MAP4K2: variants seen among roughly 807,000 people sequenced by gnomAD.
The protein encoded by MAP4K2 is mitogen-activated protein kinase kinase kinase kinase 2, also known as B lymphocyte serine/threonine protein kinase.
Under a neutral mutation model 125.3 loss-of-function variants are expected in MAP4K2, and 85 were observed. That is an observed-to-expected ratio of 0.68 (90% CI 0.57 to 0.81). The LOEUF is 0.81. MAP4K2 is among the 40% of genes least tolerant of loss of function. MAP4K2 has a pLI of 0.00. For synonymous variants in MAP4K2, 479 were observed against 445.1 expected, an observed-to-expected ratio of 1.08 and a Z score of -0.96; for missense variants, 923 against 1,056.4, an observed-to-expected ratio of 0.87 and a Z score of 1.75.
intron 9 of MAP4K2, 27 bp downstream of exon 9, chr11:64,800,873 C>G: frequency 6.2e-7 from 1 of 1,613,940 alleles, no homozygotes; most frequent in Non-Finnish European, 8.5e-7. Context: ...GATCAAGGGT[C>G]AGGTGAGGGG....
At chr11:64,802,522 C>T in intron 3 of MAP4K2, 39 bp from the exon 4 acceptor site, 1 of 1,573,986 alleles carries the variant, frequency 6.4e-7, no homozygotes, top group African/African-American at 1.3e-5. Flanking sequence ...AAGCAGGTCA[C>T]ATGGGGGCTG....
At position 64,803,060 on chromosome 11, in the gene MAP4K2, G is replaced by GA. The variant is rs1208995093; in HGVS notation, c.89dup (p.Tyr31LeufsTer37). 1 of 1,604,542 alleles carries GA rather than the reference G, an allele frequency of 6.2e-7. No homozygotes were observed. The highest frequency in any genetic ancestry group is 8.5e-7 in the Non-Finnish European group (1 of 1,178,260). On this transcript the variant is annotated frameshift_variant, in exon 1 of 32. Coordinates refer to ENST00000294066, the MANE Select transcript of MAP4K2 (RefSeq NM_004579.5). LOFTEE classifies it high-confidence loss of function. ...CCCGCCCGTCCCGTCGCACCTTGTA[G>GA]ACGTCGCCATAGGTCCCGGCCCCCA...
At position 64,789,551 on chromosome 11, in the gene MAP4K2, G is replaced by C; in HGVS notation, c.2449C>G (p.Gln817Glu). The C allele has an allele frequency of 6.3e-7, 1 of 1,588,424 alleles. No homozygotes were observed. The highest frequency in any genetic ancestry group is 1.1e-5 in the South Asian group (1 of 87,298). The stretch of plus-strand genomic sequence containing the variant: ...GCCCGCTGCTCTTAGTAGGTGCTCT[G>C]GTGGCCCGTGAGGATGTAGAGGTTG... ...HSNLYILTGH[Q>E]STY Residue 817 changes from glutamine to glutamate, a missense_variant, in exon 32 of 32, where the codon CAG (glutamine) becomes GAG (glutamate). Coordinates refer to ENST00000294066, the MANE Select transcript of MAP4K2 (RefSeq NM_004579.5).
At chr11:64,802,192 G>A (rs1178203239) in intron 4 of MAP4K2, 71 bp from the exon 5 acceptor site, 4 of 1,424,528 alleles carry the variant, frequency 2.8e-6, no homozygotes, top group Non-Finnish European at 2.9e-6. Context: ...TACCGTGTGT[G>A]GGAAAAGCAG....
Position 64,792,159 on chromosome 11 carries a change from C to CA in MAP4K2, c.1914+12dup, listed in dbSNP as rs749722808. On this transcript the variant is annotated intron_variant, in intron 26 of 31. Coordinates refer to ENST00000294066, the MANE Select transcript of MAP4K2 (RefSeq NM_004579.5). ...TCTGAGGGTGCCCTGGGCCTCCCCC[C>CA]ACCGCCCCTCACCTTCAGCAGCAGA... 436 of 1,599,768 alleles carry CA rather than the reference C, an allele frequency of 2.7e-4. 1 individual carries two copies. Among genetic ancestry groups the CA allele is most frequent in the Middle Eastern group, 1.3e-3 (8 of 6,026 alleles).
chr11:64,787,621 C>T lies in MAP4K2; in HGVS notation c.*1916G>A, dbSNP rs777053386. ...TCTCAGTGCATATTCCCTGGTTTCT[C>T]GGCCTTTCTTTGCTCTTGGCCTGCC... On this transcript the variant is annotated 3_prime_UTR_variant, in exon 32 of 32. Transcript: ENST00000294066. The T allele has an allele frequency of 6.6e-6, 1 of 152,204 alleles. No homozygotes were observed. Among genetic ancestry groups the T allele is most frequent in the African/African-American group, 2.4e-5 (1 of 41,440 alleles). The allele number at this position is 152,204 out of a possible 1,614,324, so 9.4% of individuals were successfully genotyped here. A position where few individuals can be genotyped will look rare whatever the true frequency, so the allele number is the denominator to read the frequency against.
chr11:64,796,278 G>A lies in MAP4K2; in HGVS notation c.1746C>T (p.Ile582=), dbSNP rs765375614. ...IPTNRLTQRI[I]PRRFALSTKI... is the part of the protein sequence containing the mutation. ...GCACGCCCAAGATCCCTGACCTGGG[G>A]ATGATGCGCTGGGTGAGGCGGTTGG... is the stretch of plus-strand genomic sequence containing the variant. Residue 582 remains isoleucine (I), a synonymous_variant, in exon 24 of 32, where the codon ATC becomes ATT. Coordinates refer to ENST00000294066, the MANE Select transcript of MAP4K2 (RefSeq NM_004579.5). 2 of 1,528,872 alleles carry A rather than the reference G, an allele frequency of 1.3e-6. No individual in the cohort carries two copies. The highest frequency in any genetic ancestry group is 1.8e-6 in the Non-Finnish European group (2 of 1,139,074). 94.7% of individuals were successfully genotyped at this position (1,528,872 alleles called of 1,614,324 possible).
In MAP4K2 at chr11:64,789,381, C is replaced by T; in HGVS notation, c.*156G>A. 1.5e-6 allele frequency: 1 copy of T among 669,634 alleles called. No homozygotes were observed. The highest frequency in any genetic ancestry group is 1.9e-5 in the South Asian group (1 of 52,894). 41.5% of individuals were successfully genotyped at this position (669,634 alleles called of 1,614,324 possible). A position where few individuals can be genotyped will look rare whatever the true frequency, so the allele number is the denominator to read the frequency against. ...AGGCGTCGGGGGCTCCCCTCCCTCCCCAGGCCTGAAACATTTCTCAGGATT... is the reference window on the plus strand; with the variant it reads ...AGGCGTCGGGGGCTCCCCTCCCTCCTCAGGCCTGAAACATTTCTCAGGATT... On this transcript the variant is annotated 3_prime_UTR_variant, in exon 32 of 32. Coordinates refer to ENST00000294066, the MANE Select transcript of MAP4K2 (RefSeq NM_004579.5).
Position 64,796,553 on chromosome 11 carries a change from G to C in MAP4K2, c.1573C>G (p.Leu525Val). 6.2e-7 allele frequency: 1 copy of C among 1,613,970 alleles called. No individual in the cohort carries two copies. Among genetic ancestry groups the C allele is most frequent in the Non-Finnish European group, 8.5e-7 (1 of 1,180,044 alleles). The change falls in exon 23 of 32, where the codon CTG becomes GTG. Residue 525 changes from leucine to valine, a missense_variant and splice_region_variant. Around this residue, in one of 2 missense-constraint regions of MAP4K2, gnomAD observed 833 missense variants for 911.4 expected, o/e 0.91. Coordinates refer to ENST00000294066, the MANE Select transcript of MAP4K2 (RefSeq NM_004579.5). ...HELHEDTLEK[L>V]ISHRCSWLYC... Reference sequence around the variant, plus strand: ...AGCCAGGAGCAGCGATGTGAAATCAGCTGGAGGCCACAGAGGGACAGATGG... The same window carrying C: ...AGCCAGGAGCAGCGATGTGAAATCACCTGGAGGCCACAGAGGGACAGATGG...
At chr11:64,790,014 A>G in intron 29 of MAP4K2, 55 bp from the exon 30 acceptor site, 1 of 1,598,954 alleles carries the variant, frequency 6.3e-7, no homozygotes, top group East Asian at 2.2e-5. Flanking sequence ...CCCCTCAGCC[A>G]CGCCTGAGCC....
Position 64,801,538 on chromosome 11 carries a change from C to A in MAP4K2, c.457+41G>T, listed in dbSNP as rs560597695. The stretch of plus-strand genomic sequence containing the variant: ...TGAGTCCAGGGTAGCCGGGGAGGGT[C>A]CACAGAGCCCTCACCCTGATGGTGT... On this transcript the variant is annotated intron_variant, in intron 7 of 31. Coordinates refer to ENST00000294066, the MANE Select transcript of MAP4K2 (RefSeq NM_004579.5). The A allele has an allele frequency of 2.5e-6, 4 of 1,610,514 alleles. No homozygotes were observed. In the African/African-American group the frequency reaches 4.0e-5, roughly 16 times the overall value.
chr11:64,801,386 C>T (rs926794294), intron 7 of MAP4K2, among the ~76,000 whole-genome samples, 193 bp downstream of exon 7: 1 of 152,174 alleles, frequency 6.6e-6, no homozygotes, highest in African/African-American at 2.4e-5. Flanking sequence ...AGTGCCTGGT[C>T]CCATGTCAAC....
intron 24 of MAP4K2, among the ~76,000 whole-genome samples, chr11:64,794,932 G>A (rs564964897): frequency 6.6e-6 from 1 of 152,010 alleles, no homozygotes; most frequent in East Asian, 1.9e-4. Flanking sequence ...TGTTGCCCAG[G>A]CTTCAATGCA....
chr11:64,796,753 C>T (rs777199923), intron 21 of MAP4K2, 40 bp from the exon 22 acceptor site: 3 of 1,613,610 alleles, frequency 1.9e-6, no homozygotes, highest in Non-Finnish European at 1.7e-6. Flanking sequence ...AGACATGGCC[C>T]CTGGCCCAAG....
In MAP4K2 at chr11:64,791,932, G is replaced by A. The variant is rs372121127; in HGVS notation, c.2069C>T (p.Thr690Met). 2.4e-5 allele frequency: 38 copies of A among 1,598,202 alleles called. No homozygotes were observed. The highest frequency in any genetic ancestry group is 1.7e-4 in the Admixed American group (10 of 58,430). ...ACCAGGTGGGATGAGGATGTCGGGC[G>A]TCAGGCCAGCCTCCAGGGGCAGGAC... is the stretch of plus-strand genomic sequence containing the variant. ...FHVLPLEAGL[T>M]PDILIPPEGI... Residue 690 changes from threonine to methionine, a missense_variant, in exon 27 of 32, where the codon ACG becomes ATG. Physicochemically the swap from Thr to Met is moderately conservative, Grantham distance 81. This residue lies in a region of MAP4K2 where 833 missense variants were observed against 911.4 expected (regional missense o/e 0.91). Transcript: ENST00000294066.
Position 64,785,925 on chromosome 11 carries a change from A to G in MAP4K2, c.*3612T>C, listed in dbSNP as rs1036103396. On this transcript the variant is annotated 3_prime_UTR_variant, in exon 32 of 32. Coordinates refer to ENST00000294066, the MANE Select transcript of MAP4K2 (RefSeq NM_004579.5). ...TGACATAATATTTGATACATACAAA[A>G]GGATGTGTGGCACCTTATGTGAGTT... The G allele has an allele frequency of 6.6e-6, 1 of 152,200 alleles. No individual in the cohort carries two copies. The highest frequency in any genetic ancestry group is 6.5e-5 in the Admixed American group (1 of 15,280). The allele number at this position is 152,200 out of a possible 1,614,324, so 9.4% of individuals were successfully genotyped here.
intron 27 of MAP4K2, among the ~76,000 whole-genome samples, chr11:64,791,637 C>T (rs1037648470): frequency 8.5e-5 from 13 of 152,234 alleles, no homozygotes; most frequent in Non-Finnish European, 1.5e-4. Context: ...TCCCAAAATG[C>T]TGGGATTACA....
In MAP4K2 at chr11:64,792,045, C is replaced by T. The variant is rs1307247183; in HGVS notation, c.1956G>A (p.Glu652=). 2 of 1,595,396 alleles carry T rather than the reference C, an allele frequency of 1.3e-6. No individual in the cohort carries two copies. The highest frequency in any genetic ancestry group is 1.7e-5 in the Admixed American group (1 of 57,750). Reference sequence around the variant, plus strand: ...GCTCCTTCCCATCCAGCACCAGCGGCTCCAGCATCCCAGCTGGGCTGGGCA... The same window carrying T: ...GCTCCTTCCCATCCAGCACCAGCGGTTCCAGCATCCCAGCTGGGCTGGGCA... ...SPLPSPAGML[E]PLVLDGKELP... The change falls in exon 27 of 32, where the codon GAG becomes GAA. Residue 652 remains glutamate (E), a synonymous_variant. Transcript: ENST00000294066.
chr11:64,787,976 CCTT>C lies in MAP4K2; in HGVS notation c.*1558_*1560del, dbSNP rs1284785577. The C allele has an allele frequency of 2.0e-5, 3 of 152,216 alleles. No individual in the cohort carries two copies. Among genetic ancestry groups the C allele is most frequent in the African/African-American group, 7.2e-5 (3 of 41,426 alleles). The allele number at this position is 152,216 out of a possible 1,614,324, so 9.4% of individuals were successfully genotyped here. A position where few individuals can be genotyped will look rare whatever the true frequency, so the allele number is the denominator to read the frequency against. On this transcript the variant is annotated 3_prime_UTR_variant, in exon 32 of 32. Coordinates refer to ENST00000294066, the MANE Select transcript of MAP4K2 (RefSeq NM_004579.5). ...CAATTTGGAAGGTGCCCCTCACCCT[CCTT>C]GGGGCTCACGGGAACATGGGTGTGA...
Sources: allele counts gnomAD v4.1 joint callset (sites outside exome capture counted in the v4.1 genomes callset), GRCh38; gene constraint gnomAD v4.1.1; regional missense constraint gnomAD v4.1.1; transcripts MANE v1.5; gene names NCBI Gene and HGNC (gene_info 2026-07-23, HGNC 2026-07-21).